ITPR1: variants seen among roughly 807,000 people sequenced by gnomAD.
The protein encoded by ITPR1 is inositol 1,4,5-trisphosphate receptor type 1.
A neutral mutation model predicts 318.4 loss-of-function variants in ITPR1; 96 were observed. The observed-to-expected ratio is 0.30, with a 90% CI of 0.26 to 0.36. The LOEUF (loss-of-function observed/expected upper bound fraction) is 0.36. Ranked by LOEUF, ITPR1 falls within the 10% of genes least tolerant of loss-of-function variation. The probability of loss-of-function intolerance (pLI) is 1.00; values close to 1 mark genes in which losing one functional copy is unlikely to be tolerated. For missense variants in ITPR1, 2,440 were observed against 3,460.2 expected (o/e 0.71, Z 7.40); for synonymous variants, 1,312 against 1,289.9 (o/e 1.02, Z -0.37).
intron 4 of ITPR1, among the ~76,000 whole-genome samples, chr3:4,612,892 A>G (rs2092220683): frequency 6.6e-6 from 1 of 152,212 alleles, no homozygotes; most frequent in African/African-American, 2.4e-5. Flanking sequence ...ATCTCAAAAC[A>G]AACAAAAGTA....
At chr3:4,658,619 AG>A (rs1272105668) in intron 13 of ITPR1, among the ~76,000 whole-genome samples, 1 of 151,478 alleles carries the variant, frequency 6.6e-6, no homozygotes, top group Non-Finnish European at 1.5e-5. Context: ...AGAGGAAACT[AG>A]GAAATTGAAT....
At chr3:4,764,047 G>A (rs565005138) in intron 44 of ITPR1, among the ~76,000 whole-genome samples, 1 of 152,348 alleles carries the variant, frequency 6.6e-6, no homozygotes, top group South Asian at 2.1e-4. Context: ...GCCACCTTCT[G>A]GTGCACCCCA....
intron 44 of ITPR1, among the ~76,000 whole-genome samples, chr3:4,740,199 A>G (rs1408536586): frequency 1.3e-5 from 2 of 152,148 alleles, no homozygotes; most frequent in African/African-American, 2.4e-5. Flanking sequence ...CACCCCCATT[A>G]TAATCGATTG....
chr3:4,713,294 T>C (rs2041517314), intron 39 of ITPR1, among the ~76,000 whole-genome samples: 1 of 152,208 alleles, frequency 6.6e-6, no homozygotes, highest in Non-Finnish European at 1.5e-5. Flanking sequence ...TCCATGGGCA[T>C]AAAACCTGAT....
At chr3:4,560,801 C>A (rs767333527) in intron 4 of ITPR1, among the ~76,000 whole-genome samples, 1 of 152,134 alleles carries the variant, frequency 6.6e-6, no homozygotes, top group Non-Finnish European at 1.5e-5. Flanking sequence ...GAGGTGACAG[C>A]GACTTATTAT....
intron 58 of ITPR1, 58 bp downstream of exon 58, chr3:4,814,620 A>G (rs1451371073): frequency 1.4e-6 from 2 of 1,410,200 alleles, no homozygotes; most frequent in East Asian, 4.7e-5. Context: ...GGTTGGTGGG[A>G]GCACCATGCA....
chr3:4,661,232 A>C, intron 14 of ITPR1, 145 bp downstream of exon 14: 1 of 535,236 alleles, frequency 1.9e-6, no homozygotes, highest in East Asian at 3.0e-5. Context: ...ATGTGACAAA[A>C]GAATACTCTC....
At chr3:4,694,566 A>C (rs1473915548) in intron 33 of ITPR1, among the ~76,000 whole-genome samples, 1 of 152,206 alleles carries the variant, frequency 6.6e-6, no homozygotes. Flanking sequence ...GCACTTACAC[A>C]AACCTAGATG....
At chr3:4,553,601 CTT>C (rs35264136) in intron 4 of ITPR1, among the ~76,000 whole-genome samples, 7 of 134,320 alleles carry the variant, frequency 5.2e-5, no homozygotes, top group Non-Finnish European at 3.1e-5. Context: ...TGGATAATTT[CTT>C]TTTTTTTTTT....
At position 4,498,116 on chromosome 3, in the gene ITPR1, G is replaced by A. The variant is rs993214739; in HGVS notation, c.-17+3610G>A. 3.9e-5 allele frequency among the ~76,000 whole-genome samples: 6 copies of A among 152,314 alleles called. 1 individual carries two copies. ...GGAAAGATGAAAAAGTTCTGGAAAT[G>A]GATGGTGGTGATGTCACACAACAGT... On this transcript the variant is annotated intron_variant, in intron 2 of 61. Transcript: ENST00000649015.
At chr3:4,792,623 C>T (rs1041844991) in intron 52 of ITPR1, among the ~76,000 whole-genome samples, 1 of 152,158 alleles carries the variant, frequency 6.6e-6, no homozygotes, top group African/African-American at 2.4e-5. Context: ...TCCACACGGA[C>T]CTCTCCATAG....
chr3:4,680,611 G>A lies in ITPR1; in HGVS notation c.3026G>A (p.Arg1009Gln), dbSNP rs1574832115. ...TCCTGCCTCCTGTGTATATTTAAGCGAGAGTTTGATGAAAGCAATTCCCAG... is the reference window on the plus strand; with the variant it reads ...TCCTGCCTCCTGTGTATATTTAAGCAAGAGTTTGATGAAAGCAATTCCCAG... Reference protein sequence around the residue: ...RISCLLCIFKREFDESNSQTS... With the variant: ...RISCLLCIFKQEFDESNSQTS... The change falls in exon 25 of 62, where the codon CGA becomes CAA. Residue 1009 changes from arginine (R) to glutamine (Q), a missense_variant. By Grantham distance (43) the Arg-to-Gln change is conservative. Coordinates refer to ENST00000649015, the MANE Select transcript of ITPR1 (RefSeq NM_001378452.1). The A allele has an allele frequency of 1.2e-5, 19 of 1,613,370 alleles. No individual in the cohort carries two copies. Among genetic ancestry groups the A allele is most frequent in the Admixed American group, 3.3e-5 (2 of 59,996 alleles).
At chr3:4,795,329 G>C in intron 53 of ITPR1, 142 bp downstream of exon 53, 1 of 673,832 alleles carries the variant, frequency 1.5e-6, no homozygotes, top group Non-Finnish European at 2.2e-6. Context: ...GATTGTAGCT[G>C]TTACCATAGA....
intron 4 of ITPR1, among the ~76,000 whole-genome samples, chr3:4,528,602 A>G (rs192578953): frequency 6.6e-6 from 1 of 152,296 alleles, no homozygotes; most frequent in East Asian, 1.9e-4. Context: ...GGGAGGGCCT[A>G]ACTTAAATTT....
At chr3:4,833,890 CTTAG>C (rs1274785130) in intron 60 of ITPR1, among the ~76,000 whole-genome samples, 2 of 151,600 alleles carry the variant, frequency 1.3e-5, no homozygotes, top group South Asian at 2.1e-4. Flanking sequence ...TGCATTATTC[CTTAG>C]TTAGTTTTTT....
intron 10 of ITPR1, among the ~76,000 whole-genome samples, chr3:4,646,668 A>G (rs1350193344): frequency 6.6e-6 from 1 of 152,178 alleles, no homozygotes; most frequent in East Asian, 1.9e-4. Flanking sequence ...TGCCCACAGC[A>G]TGTAATTTGT....
Position 4,710,970 on chromosome 3 carries a change from G to C in ITPR1, c.4991+497G>C, listed in dbSNP as rs1320023569. Among the ~76,000 whole-genome samples, 1 of 152,148 alleles carries C rather than the reference G, an allele frequency of 6.6e-6. No homozygotes were observed. The highest frequency in any genetic ancestry group is 2.4e-5 in the African/African-American group (1 of 41,430). The stretch of plus-strand genomic sequence containing the variant: ...CTCATGCCTGTAATCCCAGCACTTT[G>C]GGAGGCCGGGGCTGGTGAATCACCT... On this transcript the variant is annotated intron_variant, in intron 38 of 61. Coordinates refer to ENST00000649015, the MANE Select transcript of ITPR1 (RefSeq NM_001378452.1). The surrounding 1 kb of genome is among the most constrained non-coding windows in gnomAD (Gnocchi z 4.2).
At chr3:4,522,122 T>C (rs2082617056) in intron 4 of ITPR1, among the ~76,000 whole-genome samples, 1 of 152,198 alleles carries the variant, frequency 6.6e-6, no homozygotes, top group Non-Finnish European at 1.5e-5. Flanking sequence ...TTAAATTAAA[T>C]AGATGCTTGG....
chr3:4,719,980 G>T (rs985087298), intron 40 of ITPR1, among the ~76,000 whole-genome samples: 1 of 152,152 alleles, frequency 6.6e-6, no homozygotes, highest in Non-Finnish European at 1.5e-5. Context: ...GCTCAGAGCT[G>T]GGTGAATTGT....
Sources: allele counts gnomAD v4.1 joint callset (sites outside exome capture counted in the v4.1 genomes callset), GRCh38; gene constraint gnomAD v4.1.1; non-coding constraint Gnocchi (gnomAD v3.1); transcripts MANE v1.5; gene names NCBI Gene and HGNC (gene_info 2026-07-23, HGNC 2026-07-21).